The following MAF variants were observed in gnomAD, a reference collection of about 807,000 sequenced individuals.
MAF encodes the protein MAF bZIP transcription factor.
MAF carries 10 observed loss-of-function variants against 22.0 expected under a neutral mutation model. That is an observed-to-expected ratio of 0.45 (90% CI 0.28 to 0.77). The LOEUF (loss-of-function observed/expected upper bound fraction) is 0.77. Ranked by LOEUF, MAF falls within the 30% of genes least tolerant of loss-of-function variation. The pLI is 0.12. For missense variants in MAF, 544 were observed against 548.4 expected, an observed-to-expected ratio of 0.99 and a Z score of 0.08; for synonymous variants, 337 against 255.8, an observed-to-expected ratio of 1.32 and a Z score of -3.03.
the MAF span, among the ~76,000 whole-genome samples, chr16:79,405,932 A>C: frequency 6.6e-6 from 1 of 152,148 alleles, no homozygotes; most frequent in Non-Finnish European, 1.5e-5. Flanking sequence ...TGCCAGCATC[A>C]TCAGTATCTC....
At chr16:79,557,594 C>T in the MAF span, among the ~76,000 whole-genome samples, 33 of 152,204 alleles carry the variant, frequency 2.2e-4, no homozygotes, top group East Asian at 6.0e-3. Flanking sequence ...GCTTCCTCCT[C>T]TGCTCAATAG....
At chr16:79,395,777 C>T in the MAF span, among the ~76,000 whole-genome samples, 1 of 152,234 alleles carries the variant, frequency 6.6e-6, no homozygotes, top group African/African-American at 2.4e-5. Flanking sequence ...TGTAAGCTGC[C>T]AACAAAGTTT....
chr16:79,546,677 G>C, the MAF span, among the ~76,000 whole-genome samples: 2 of 152,146 alleles, frequency 1.3e-5, no homozygotes, highest in African/African-American at 4.8e-5. Context: ...ACATGGTCTA[G>C]TCAAGCAAGA....
chr16:79,232,526 G>A, the MAF span, among the ~76,000 whole-genome samples: 6 of 152,006 alleles, frequency 3.9e-5, no homozygotes, highest in Non-Finnish European at 7.4e-5. Context: ...TCATGAAGAA[G>A]TTAACTGAGA....
At chr16:79,469,449 C>A in the MAF span, among the ~76,000 whole-genome samples, 1 of 152,156 alleles carries the variant, frequency 6.6e-6, no homozygotes, top group Middle Eastern at 3.2e-3. Context: ...CCTCTCTGAT[C>A]TCAATTTCCT....
the MAF span, among the ~76,000 whole-genome samples, chr16:79,415,313 C>G: frequency 6.8e-6 from 1 of 146,758 alleles, no homozygotes; most frequent in Admixed American, 6.8e-5. Flanking sequence ...GGAGGAAGGA[C>G]GGAAGGAGAG....
the MAF span, among the ~76,000 whole-genome samples, chr16:79,281,196 A>G: frequency 4.0e-5 from 6 of 149,472 alleles, no homozygotes; most frequent in South Asian, 1.3e-3. Context: ...TTGTTTTTGC[A>G]CATACATTTA....
chr16:79,550,768 G>A, the MAF span, among the ~76,000 whole-genome samples: 1 of 139,314 alleles, frequency 7.2e-6, no homozygotes, highest in African/African-American at 2.5e-5. Flanking sequence ...AGAGTCTCCT[G>A]AAATTTCAGG....
At chr16:79,403,959 G>A in the MAF span, among the ~76,000 whole-genome samples, 2 of 152,030 alleles carry the variant, frequency 1.3e-5, no homozygotes, top group African/African-American at 4.8e-5. Context: ...TGGGCAAAGT[G>A]GAGGAGGGAA....
chr16:79,278,398 G>T, the MAF span, among the ~76,000 whole-genome samples: 1 of 152,204 alleles, frequency 6.6e-6, no homozygotes, highest in Non-Finnish European at 1.5e-5. Context: ...CCTGTGACTT[G>T]CCAGGACAGA....
chr16:79,369,299 G>T, the MAF span, among the ~76,000 whole-genome samples: 1 of 152,116 alleles, frequency 6.6e-6, no homozygotes, highest in Non-Finnish European at 1.5e-5. Flanking sequence ...AACACAGACG[G>T]GATCCCTGTC....
At chr16:79,291,864 T>C in the MAF span, among the ~76,000 whole-genome samples, 4 of 150,220 alleles carry the variant, frequency 2.7e-5, no homozygotes, top group Non-Finnish European at 5.9e-5. Flanking sequence ...TCACCTCTCC[T>C]GGTGAAGGCT....
the MAF span, among the ~76,000 whole-genome samples, chr16:79,471,961 G>A: frequency 1.3e-5 from 2 of 152,234 alleles, no homozygotes; most frequent in Admixed American, 6.5e-5. Flanking sequence ...TCCCTCATGC[G>A]TAAGACAAAG....
At chr16:79,315,151 T>C in the MAF span, among the ~76,000 whole-genome samples, 1 of 152,200 alleles carries the variant, frequency 6.6e-6, no homozygotes, top group African/African-American at 2.4e-5. Flanking sequence ...CAGGCACGGT[T>C]CTAGGATCTG....
chr16:79,374,582 T>C, the MAF span, among the ~76,000 whole-genome samples: 4 of 152,200 alleles, frequency 2.6e-5, no homozygotes, highest in African/African-American at 9.7e-5. Flanking sequence ...CAGCAAGGAT[T>C]TATTGATGAT....
At chr16:79,339,775 G>C in the MAF span, among the ~76,000 whole-genome samples, 2 of 152,164 alleles carry the variant, frequency 1.3e-5, no homozygotes, top group African/African-American at 4.8e-5. Context: ...ACAATTTCAA[G>C]ATGATTACTT....
chr16:79,230,582 A>G, the MAF span, among the ~76,000 whole-genome samples: 1 of 152,180 alleles, frequency 6.6e-6, no homozygotes, highest in African/African-American at 2.4e-5. Context: ...AGCAACCTTC[A>G]GCACAACACT....
the MAF span, among the ~76,000 whole-genome samples, chr16:79,542,821 G>C: frequency 6.6e-6 from 1 of 152,206 alleles, no homozygotes; most frequent in Non-Finnish European, 1.5e-5. Context: ...ATGGCTAGTA[G>C]ATCATGATAG....
At chr16:79,579,689 C>T in the MAF span, among the ~76,000 whole-genome samples, 3 of 152,212 alleles carry the variant, frequency 2.0e-5, no homozygotes, top group African/African-American at 4.8e-5. Context: ...TGCCTCACTG[C>T]CTTCTCAATA....
Sources: allele counts gnomAD v4.1 joint callset (sites outside exome capture counted in the v4.1 genomes callset), GRCh38; gene constraint gnomAD v4.1.1; transcripts MANE v1.5; gene names NCBI Gene and HGNC (gene_info 2026-07-23, HGNC 2026-07-21).